The following ATP6V0A1 variants were observed in gnomAD, a reference collection of about 807,000 sequenced individuals.
The protein encoded by ATP6V0A1 is V-type proton ATPase 116 kDa subunit a 1.
A neutral mutation model predicts 105.4 loss-of-function variants in ATP6V0A1; 43 were observed. The ratio of observed to expected loss-of-function variants is 0.41; its 90% CI spans 0.32 to 0.53. ATP6V0A1 has a LOEUF of 0.53. Ranked by LOEUF, ATP6V0A1 falls within the 20% of genes least tolerant of loss-of-function variation. The pLI, the probability that ATP6V0A1 is intolerant of heterozygous loss-of-function variation, is 0.30. For synonymous variants in ATP6V0A1, 362 were observed against 372.8 expected (o/e 0.97, Z 0.33); for missense variants, 676 against 1,051.1 (o/e 0.64, Z 4.93).
intron 11 of ATP6V0A1, among the ~76,000 whole-genome samples, 165 bp downstream of exon 11, chr17:42,490,802 A>G (rs937958099): frequency 1.3e-5 from 2 of 151,920 alleles, no homozygotes; most frequent in South Asian, 2.1e-4. Flanking sequence ...GATCCTCCCA[A>G]CTCAGTCTCC....
At chr17:42,462,438 T>G (rs1281629679) in intron 2 of ATP6V0A1, among the ~76,000 whole-genome samples, 1 of 151,938 alleles carries the variant, frequency 6.6e-6, no homozygotes, top group African/African-American at 2.4e-5. Context: ...CTTTTCTTTT[T>G]GAGACAGAGT....
chr17:42,478,554 G>C lies in ATP6V0A1; in HGVS notation c.598G>C (p.Ala200Pro). 6.2e-7 allele frequency: 1 copy of C among 1,603,222 alleles called. No individual in the cohort carries two copies. Among genetic ancestry groups the C allele is most frequent in the East Asian group, 2.3e-5 (1 of 44,108 alleles). ...CCGGGGAAATGTGTTCCTGCGACAG[G>C]CTGAAATCGAGAACCCCCTGGAGGA... ...VCRGNVFLRQ[A>P]EIENPLEDPV... is the part of the protein sequence containing the mutation. The change falls in exon 7 of 22, where the codon GCT becomes CCT. Residue 200 changes from alanine to proline, a missense_variant. Coordinates refer to ENST00000343619, the MANE Select transcript of ATP6V0A1 (RefSeq NM_001130021.3).
chr17:42,494,651 G>A, intron 12 of ATP6V0A1, 178 bp downstream of exon 12: 1 of 727,590 alleles, frequency 1.4e-6, no homozygotes, highest in Non-Finnish European at 2.1e-6. Context: ...GTGTGTGCCT[G>A]TAGTCCCAGC....
chr17:42,480,836 C>T, intron 8 of ATP6V0A1, 87 bp downstream of exon 8: 1 of 1,209,074 alleles, frequency 8.3e-7, no homozygotes, highest in South Asian at 1.4e-5. Flanking sequence ...AATACAAATC[C>T]TTTTTAGTCT....
intron 7 of ATP6V0A1, chr17:42,480,466 T>C (rs2089350514): frequency 4.3e-6 from 2 of 464,482 alleles, no homozygotes; most frequent in Admixed American, 7.9e-5. Context: ...TAGAGAAAGA[T>C]TTTTGTGAAT....
In ATP6V0A1 at chr17:42,472,051, C is replaced by CTT. The variant is rs11428880; in HGVS notation, c.423+1849_423+1850dup. Among the ~76,000 whole-genome samples the CTT allele has an allele frequency of 2.6e-3, 340 of 129,918 alleles. 5 individuals are homozygous for CTT. Among genetic ancestry groups the CTT allele is most frequent in the Middle Eastern group, 4.0e-3 (1 of 252 alleles). The allele number at this position is 129,918 out of a possible 152,430, so 85.2% of individuals were successfully genotyped here. A position where few individuals can be genotyped will look rare whatever the true frequency, so the allele number is the denominator to read the frequency against. The stretch of plus-strand genomic sequence containing the variant: ...GGCAAAGCTTTTAAATATAGAGGCC[C>CTT]TTTTTTTTTTTTTTTTTCCCGAGAC... On this transcript the variant is annotated intron_variant, in intron 5 of 21. Coordinates refer to ENST00000343619, the MANE Select transcript of ATP6V0A1 (RefSeq NM_001130021.3).
At chr17:42,472,209 A>G (rs1272166405) in intron 5 of ATP6V0A1, among the ~76,000 whole-genome samples, 1 of 151,102 alleles carries the variant, frequency 6.6e-6, no homozygotes, top group Non-Finnish European at 1.5e-5. Flanking sequence ...GCTCACCACC[A>G]CCCCCAGCTA....
At chr17:42,515,166 G>A (rs1599154973) in intron 21 of ATP6V0A1, among the ~76,000 whole-genome samples, 1 of 152,186 alleles carries the variant, frequency 6.6e-6, no homozygotes, top group East Asian at 1.9e-4. Flanking sequence ...GCCAGATGTA[G>A]CACATAAAAG....
intron 10 of ATP6V0A1, among the ~76,000 whole-genome samples, chr17:42,487,863 A>G (rs2090262003): frequency 6.6e-6 from 1 of 152,260 alleles, no homozygotes; most frequent in South Asian, 2.1e-4. Context: ...AGCCTGGCAT[A>G]TAATATGTAT....
intron 17 of ATP6V0A1, 101 bp downstream of exon 17, chr17:42,501,405 T>G (rs1242418492): frequency 5.1e-6 from 4 of 790,426 alleles, no homozygotes; most frequent in Non-Finnish European, 7.7e-6. Context: ...AATCTATATA[T>G]TCTTTTTCTT....
intron 16 of ATP6V0A1, 27 bp from the exon 17 acceptor site, chr17:42,501,170 T>C: frequency 6.4e-7 from 1 of 1,564,220 alleles, no homozygotes; most frequent in Non-Finnish European, 8.8e-7. Context: ...TTATATGATG[T>C]ACCTTGTCCT....
chr17:42,515,230 G>T (rs2092561413), intron 21 of ATP6V0A1, among the ~76,000 whole-genome samples: 1 of 152,046 alleles, frequency 6.6e-6, no homozygotes, highest in Non-Finnish European at 1.5e-5. Context: ...ACTTTGGGAG[G>T]CTAAGGCAGG....
Position 42,460,963 on chromosome 17 carries a change from T to C in ATP6V0A1, c.69T>C (p.Tyr23=), listed in dbSNP as rs1416119865. ...AQLFLQSEAA[Y]CCVSELGELG... is the part of the protein sequence containing the mutation. ...TTTTTCTACAGTCAGAGGCTGCTTA[T>C]TGTTGTGTCAGTGAATTAGGAGAAC... is the stretch of plus-strand genomic sequence containing the variant. Residue 23 remains tyrosine (Y), a synonymous_variant, in exon 2 of 22, where the codon TAT becomes TAC. Coordinates refer to ENST00000343619, the MANE Select transcript of ATP6V0A1 (RefSeq NM_001130021.3). 6.2e-7 allele frequency: 1 copy of C among 1,614,112 alleles called. No individual in the cohort carries two copies. Among genetic ancestry groups the C allele is most frequent in the Admixed American group, 1.7e-5 (1 of 60,010 alleles).
At chr17:42,477,327 C>T (rs1029606776) in intron 5 of ATP6V0A1, among the ~76,000 whole-genome samples, 5 of 152,102 alleles carry the variant, frequency 3.3e-5, no homozygotes, top group African/African-American at 7.2e-5. Context: ...TTCAGGGAAA[C>T]GTAGGAGAGA....
intron 17 of ATP6V0A1, among the ~76,000 whole-genome samples, chr17:42,503,248 G>A (rs1170294689): frequency 6.6e-6 from 1 of 152,204 alleles, no homozygotes; most frequent in East Asian, 1.9e-4. Context: ...GAATATCTCT[G>A]TGATTCTTGA....
intron 16 of ATP6V0A1, 122 bp from the exon 17 acceptor site, chr17:42,501,073 GAT>G: frequency 1.7e-6 from 2 of 1,158,212 alleles, no homozygotes; most frequent in African/African-American, 3.1e-5. Context: ...TGAGAAATTG[GAT>G]AGTGTTATTC....
At chr17:42,507,380 C>A in intron 17 of ATP6V0A1, 140 bp from the exon 18 acceptor site, 1 of 620,668 alleles carries the variant, frequency 1.6e-6, no homozygotes, top group Middle Eastern at 4.0e-4. Flanking sequence ...TTTTACTTAG[C>A]CGTTCAGTCA....
At chr17:42,498,068 T>C (rs1428293756) in intron 14 of ATP6V0A1, among the ~76,000 whole-genome samples, 1 of 151,898 alleles carries the variant, frequency 6.6e-6, no homozygotes, top group Non-Finnish European at 1.5e-5. Context: ...CTGGCCAACA[T>C]GGTGAAACCC....
intron 21 of ATP6V0A1, among the ~76,000 whole-genome samples, chr17:42,516,400 C>G (rs557398302): frequency 6.6e-6 from 1 of 152,240 alleles, no homozygotes; most frequent in South Asian, 2.1e-4. Context: ...TGGCCTGGCT[C>G]TCTCCCTCCT....
Sources: allele counts gnomAD v4.1 joint callset (sites outside exome capture counted in the v4.1 genomes callset), GRCh38; gene constraint gnomAD v4.1.1; transcripts MANE v1.5; gene names NCBI Gene and HGNC (gene_info 2026-07-23, HGNC 2026-07-21).